The following ATOSA variants were observed in gnomAD, a reference collection of about 807,000 sequenced individuals.
The protein encoded by ATOSA is atos homolog protein A.
chr15:52,594,674 T>C, the ATOSA span, among the ~76,000 whole-genome samples: 1 of 152,128 alleles, frequency 6.6e-6, no homozygotes, highest in Non-Finnish European at 1.5e-5. Flanking sequence ...ATCCAATCCA[T>C]ATCCTGTTGA....
At chr15:52,600,823 G>C in the ATOSA span, among the ~76,000 whole-genome samples, 1 of 149,428 alleles carries the variant, frequency 6.7e-6, no homozygotes, top group South Asian at 2.1e-4. Flanking sequence ...AGAGTAAAAG[G>C]TAGTAGAGGT....
chr15:52,588,825 G>A, the ATOSA span, among the ~76,000 whole-genome samples: 1 of 148,096 alleles, frequency 6.8e-6, no homozygotes, highest in East Asian at 1.9e-4. Flanking sequence ...TTTCTTTCAA[G>A]TAGTTAAGGA....
At chr15:52,667,925 G>A in the ATOSA span, among the ~76,000 whole-genome samples, 224 of 152,334 alleles carry the variant, frequency 1.5e-3, 3 homozygotes, top group East Asian at 0.033. Context: ...GTGTTGGCAA[G>A]GATGTGGAGA....
the ATOSA span, among the ~76,000 whole-genome samples, chr15:52,622,877 C>G: frequency 1.3e-5 from 2 of 151,970 alleles, no homozygotes; most frequent in African/African-American, 4.8e-5. Context: ...AATCCCAACA[C>G]TTTGGGAAAC....
chr15:52,587,047 G>A, the ATOSA span: 1 of 1,583,092 alleles, frequency 6.3e-7, no homozygotes, highest in Non-Finnish European at 8.6e-7. Context: ...CAGCCCCACT[G>A]TTACTTACCA....
the ATOSA span, among the ~76,000 whole-genome samples, chr15:52,677,245 A>G: frequency 1.7e-4 from 26 of 152,328 alleles, no homozygotes; most frequent in African/African-American, 6.0e-4. Flanking sequence ...ACCAAATAAA[A>G]TAATCCCCAC....
chr15:52,658,531 A>C, the ATOSA span: 1 of 388,270 alleles, frequency 2.6e-6, no homozygotes. Flanking sequence ...GTAAGACCTC[A>C]TAAACTGAGT....
chr15:52,636,992 T>C, the ATOSA span, among the ~76,000 whole-genome samples: 4 of 152,254 alleles, frequency 2.6e-5, no homozygotes, highest in East Asian at 7.7e-4. Flanking sequence ...TGGCACTCAG[T>C]TGGAGAAATG....
the ATOSA span, among the ~76,000 whole-genome samples, chr15:52,659,210 A>G: frequency 6.6e-6 from 1 of 152,178 alleles, no homozygotes. Flanking sequence ...CTGAGGGCAG[A>G]GGCCATGTTA....
the ATOSA span, chr15:52,585,131 T>C: frequency 2.0e-6 from 1 of 495,978 alleles, no homozygotes; most frequent in South Asian, 3.2e-5. Flanking sequence ...TTTAAAAGGT[T>C]CAATTTTTTG....
the ATOSA span, among the ~76,000 whole-genome samples, chr15:52,615,178 T>C: frequency 6.6e-6 from 1 of 152,204 alleles, no homozygotes; most frequent in Non-Finnish European, 1.5e-5. Context: ...TGATTTGCAA[T>C]ATGTGGAGTG....
the ATOSA span, among the ~76,000 whole-genome samples, chr15:52,649,153 T>C: frequency 2.0e-5 from 3 of 152,184 alleles, no homozygotes; most frequent in Admixed American, 6.6e-5. Flanking sequence ...AAAAACACTG[T>C]CGATATGTGA....
the ATOSA span, chr15:52,609,444 A>G: frequency 2.5e-6 from 4 of 1,613,684 alleles, no homozygotes; most frequent in African/African-American, 1.3e-5. Flanking sequence ...CCAAGTGTTG[A>G]GCAATCCTTG....
chr15:52,624,921 G>T, the ATOSA span, among the ~76,000 whole-genome samples: 1 of 151,990 alleles, frequency 6.6e-6, no homozygotes, highest in South Asian at 2.1e-4. Context: ...GGGATTACAG[G>T]CACTTGCCAC....
At chr15:52,697,844 T>C in the ATOSA span, among the ~76,000 whole-genome samples, 1 of 151,750 alleles carries the variant, frequency 6.6e-6, no homozygotes, top group Non-Finnish European at 1.5e-5. Context: ...ACGGGGGCTT[T>C]ATATGACTCG....
At chr15:52,608,609 A>G in the ATOSA span, 6 of 1,600,866 alleles carry the variant, frequency 3.7e-6, no homozygotes, top group Non-Finnish European at 4.3e-6. Context: ...GTAGACAAAC[A>G]GTCTTTTATA....
chr15:52,651,333 G>A, the ATOSA span, among the ~76,000 whole-genome samples: 1 of 152,062 alleles, frequency 6.6e-6, no homozygotes, highest in Non-Finnish European at 1.5e-5. Context: ...CACAATTTGA[G>A]GTAGGATTTT....
chr15:52,582,042 A>C, the ATOSA span: 2 of 842,912 alleles, frequency 2.4e-6, no homozygotes, highest in South Asian at 4.8e-5. Context: ...CTGGTCCAGG[A>C]TAACAGGAGA....
chr15:52,596,877 T>C, the ATOSA span, among the ~76,000 whole-genome samples: 24 of 152,176 alleles, frequency 1.6e-4, no homozygotes, highest in Non-Finnish European at 2.5e-4. Context: ...ATCACAAAAA[T>C]GTACAGCCAA....
Sources: allele counts gnomAD v4.1 joint callset (sites outside exome capture counted in the v4.1 genomes callset), GRCh38; gene constraint gnomAD v4.1.1; transcripts MANE v1.5; gene names NCBI Gene and HGNC (gene_info 2026-07-23, HGNC 2026-07-21).